DRICH1: variants seen among roughly 807,000 people sequenced by gnomAD.
The protein encoded by DRICH1 is aspartate rich 1, also known as aspartate-rich protein 1.
Under a neutral mutation model 39.5 loss-of-function variants are expected in DRICH1, and 38 were observed. That is an observed-to-expected ratio of 0.96 (90% CI 0.74 to 1.26). The LOEUF (loss-of-function observed/expected upper bound fraction) is 1.26, where lower values mean the gene tolerates loss of function less well. Ranked by LOEUF, DRICH1 falls within the 50% of genes most tolerant of loss-of-function variation. The pLI, the probability that DRICH1 is intolerant of heterozygous loss-of-function variation, is 0.00. For missense variants in DRICH1, 279 were observed against 270.4 expected, an observed-to-expected ratio of 1.03 and a Z score of -0.22; for synonymous variants, 84 against 99.5, an observed-to-expected ratio of 0.84 and a Z score of 0.93.
downstream of DRICH1, among the ~76,000 whole-genome samples, chr22:23,605,255 C>A (rs1468432743): frequency 6.6e-6 from 1 of 152,148 alleles, no homozygotes; most frequent in Non-Finnish European, 1.5e-5. Context: ...ACACAGAGGG[C>A]AAGGACTGGG....
chr22:23,607,777 C>T (rs1926819672), downstream of DRICH1, among the ~76,000 whole-genome samples: 1 of 152,170 alleles, frequency 6.6e-6, no homozygotes, highest in South Asian at 2.1e-4. Context: ...AATGCAGCCT[C>T]CCCAGCCTCC....
At chr22:23,600,269 GT>G in the DRICH1 span, among the ~76,000 whole-genome samples, 1 of 152,140 alleles carries the variant, frequency 6.6e-6, no homozygotes, top group Non-Finnish European at 1.5e-5. Context: ...AATGTCTGAG[GT>G]TTGGAAGCAG....
chr22:23,587,079 G>A, the DRICH1 span, among the ~76,000 whole-genome samples: 1 of 152,296 alleles, frequency 6.6e-6, no homozygotes, highest in East Asian at 1.9e-4. Context: ...TCGTGCAAGA[G>A]TCATGTTTGT....
At chr22:23,619,415 A>T in intron 5 of DRICH1, 22 bp from the exon 6 acceptor site, 1 of 780,006 alleles carries the variant, frequency 1.3e-6, no homozygotes, top group Non-Finnish European at 2.4e-6. Context: ...TGGAAAAGTT[A>T]ATCTAAGACT....
At chr22:23,613,408 C>T (rs1007818337) in intron 10 of DRICH1, 78 bp from the exon 11 acceptor site, 2 of 1,235,222 alleles carry the variant, frequency 1.6e-6, no homozygotes, top group African/African-American at 3.0e-5. Flanking sequence ...TTAGCTGAAG[C>T]TGAGTGATGA....
At position 23,632,141 on chromosome 22, in the gene DRICH1, G is replaced by A. The variant is rs931975042; in HGVS notation, c.-118C>T. ...CACTTTTAGAAGCAGCCTGACCCCA[G>A]GCAGATCTGGGTCCTCAGCCCTTAT... is the stretch of plus-strand genomic sequence containing the variant. On this transcript the variant is annotated 5_prime_UTR_variant, in exon 1 of 12. Transcript: ENST00000317749. 70 of 1,493,990 alleles carry A rather than the reference G, an allele frequency of 4.7e-5. 1 individual carries two copies. The Middle Eastern group carries it at 1.2e-3, about 26-fold the overall frequency. 92.5% of individuals were successfully genotyped at this position (1,493,990 alleles called of 1,614,324 possible).
At chr22:23,620,811 A>AGGTATT (rs1927679941) in intron 4 of DRICH1, among the ~76,000 whole-genome samples, 196 bp from the exon 5 acceptor site, 2 of 152,310 alleles carry the variant, frequency 1.3e-5, no homozygotes, top group Non-Finnish European at 2.9e-5. Flanking sequence ...TTTATCTTTA[A>AGGTATT]GGTATTGGTA....
intron 11 of DRICH1, among the ~76,000 whole-genome samples, chr22:23,610,796 C>T (rs915722671): frequency 2.0e-5 from 3 of 151,834 alleles, no homozygotes; most frequent in Non-Finnish European, 4.4e-5. Context: ...TTCTTCTTTC[C>T]TATCACTGTC....
chr22:23,627,371 C>T (rs1227521253), intron 1 of DRICH1, among the ~76,000 whole-genome samples: 2 of 152,098 alleles, frequency 1.3e-5, no homozygotes, highest in African/African-American at 2.4e-5. Context: ...CCACGCCCGG[C>T]CCTGAACTTT....
chr22:23,612,624 A>T (rs1291811336), intron 11 of DRICH1, among the ~76,000 whole-genome samples: 1 of 152,130 alleles, frequency 6.6e-6, no homozygotes, highest in East Asian at 1.9e-4. Flanking sequence ...GAGAACTGGG[A>T]GAAAGAAGCC....
intron 3 of DRICH1, among the ~76,000 whole-genome samples, chr22:23,623,258 A>G (rs1199387759): frequency 1.3e-5 from 2 of 152,120 alleles, no homozygotes; most frequent in African/African-American, 4.8e-5. Flanking sequence ...TACAAAAATT[A>G]TCTAGGCATG....
At chr22:23,604,842 T>C (rs939332838), downstream of DRICH1, among the ~76,000 whole-genome samples, 2 of 152,202 alleles carry the variant, frequency 1.3e-5, no homozygotes, top group African/African-American at 2.4e-5. Flanking sequence ...TCTCAATCAC[T>C]AGAGCTGCTA....
intron 6 of DRICH1, among the ~76,000 whole-genome samples, 188 bp downstream of exon 6, chr22:23,619,171 CAAAAA>C (rs5844565): frequency 1.2e-5 from 1 of 84,938 alleles, no homozygotes; most frequent in African/African-American, 4.8e-5. Context: ...GACTCCGTCT[CAAAAA>C]AAAAAAAAAA....
At chr22:23,589,636 G>C in the DRICH1 span, among the ~76,000 whole-genome samples, 36 of 152,144 alleles carry the variant, frequency 2.4e-4, no homozygotes, top group Admixed American at 2.3e-3. Flanking sequence ...CTAGTGTTAC[G>C]ACAAATGCAA....
intron 5 of DRICH1, among the ~76,000 whole-genome samples, chr22:23,619,991 A>G (rs114079401): frequency 0.033 from 4,995 of 152,096 alleles, 268 homozygotes; most frequent in African/African-American, 0.11. Context: ...CACACCAAAG[A>G]CTCTGAGATT....
At chr22:23,590,062 C>A in the DRICH1 span, among the ~76,000 whole-genome samples, 1 of 152,124 alleles carries the variant, frequency 6.6e-6, no homozygotes, top group Admixed American at 6.5e-5. Context: ...TGGAATTGGT[C>A]GAAGGTTTCC....
chr22:23,616,799 T>C, intron 8 of DRICH1, 54 bp downstream of exon 8: 5 of 1,607,398 alleles, frequency 3.1e-6, no homozygotes, highest in Non-Finnish European at 4.3e-6. Context: ...GGTTTCCATA[T>C]ATTAAAGCCA....
chr22:23,595,082 C>T, the DRICH1 span, among the ~76,000 whole-genome samples: 29,140 of 140,592 alleles, frequency 0.21, 2,443 homozygotes, highest in African/African-American at 0.24. Context: ...GTCCCTCCTC[C>T]GTGTGCCCGG....
At chr22:23,601,938 A>AG in the DRICH1 span, among the ~76,000 whole-genome samples, 2 of 151,982 alleles carry the variant, frequency 1.3e-5, no homozygotes, top group African/African-American at 4.8e-5. Flanking sequence ...GCAGGGGCTC[A>AG]CCCCTGTAAT....
Sources: allele counts gnomAD v4.1 joint callset (sites outside exome capture counted in the v4.1 genomes callset), GRCh38; gene constraint gnomAD v4.1.1; transcripts MANE v1.5; gene names NCBI Gene and HGNC (gene_info 2026-07-23, HGNC 2026-07-21).